RADIL: variants seen among roughly 807,000 people sequenced by gnomAD.
RADIL encodes the protein ras-associating and dilute domain-containing protein.
In RADIL, 99 loss-of-function variants were observed where a neutral mutation model predicts 97.6. The observed-to-expected ratio is 1.01, with a 90% CI of 0.86 to 1.20. The LOEUF (loss-of-function observed/expected upper bound fraction) is 1.20, where lower values mean the gene tolerates loss of function less well. Among genes scored for constraint, RADIL ranks in the 50% most tolerant of loss-of-function variants. RADIL has a pLI of 0.00. For synonymous variants in RADIL, 803 were observed against 691.8 expected (o/e 1.16, Z -2.52); for missense variants, 1,765 against 1,498.9 (o/e 1.18, Z -2.93).
chr7:4,802,090 G>A lies in RADIL; in HGVS notation c.2500-95C>T, dbSNP rs556203883. 5.9e-5 allele frequency: 64 copies of A among 1,092,316 alleles called. No individual in the cohort carries two copies. The African/African-American group carries it at 9.7e-4, about 17-fold the overall frequency. The allele number at this position is 1,092,316 out of a possible 1,614,324, so 67.7% of individuals were successfully genotyped here. ...CAGCCTGCAGCAGAAGGGCCGCCAGGCCGCGGGGCAGAGGTCAGCAAAGGA... is the reference window on the plus strand; with the variant it reads ...CAGCCTGCAGCAGAAGGGCCGCCAGACCGCGGGGCAGAGGTCAGCAAAGGA... On this transcript the variant is annotated intron_variant, in intron 11 of 14. Coordinates refer to ENST00000399583, the MANE Select transcript of RADIL (RefSeq NM_018059.5).
At position 4,803,653 on chromosome 7, in the gene RADIL, G is replaced by A. The variant is rs1268610512; in HGVS notation, c.2392C>T (p.Gln798Ter). 2 of 1,551,014 alleles carry A rather than the reference G, an allele frequency of 1.3e-6. No individual in the cohort carries two copies. The highest frequency in any genetic ancestry group is 1.2e-5 in the South Asian group (1 of 84,090). The change falls in exon 11 of 15, where the codon CAG becomes TAG. Residue 798 changes from glutamine (Q) to a stop codon, truncating the protein, a stop_gained. Coordinates refer to ENST00000399583, the MANE Select transcript of RADIL (RefSeq NM_018059.5). LOFTEE classifies it high-confidence loss of function. ...AAGTGGCGGACGTAGAGCAGGTGCT[G>A]GTAGATGCTGTCGTCCAGGCAGTTG... ...EANCLDDSIYQHLLYVRHFLW... is the reference protein window; with the variant it reads ...EANCLDDSIY
chr7:4,856,470 A>G (rs1783833834), intron 2 of RADIL, among the ~76,000 whole-genome samples: 1 of 152,134 alleles, frequency 6.6e-6, no homozygotes, highest in South Asian at 2.1e-4. Context: ...GATAGTAATC[A>G]TTTGTCAGTT....
At chr7:4,881,214 G>C (rs1441766057) in intron 1 of RADIL, among the ~76,000 whole-genome samples, 1 of 141,086 alleles carries the variant, frequency 7.1e-6, no homozygotes, top group East Asian at 2.3e-4. Context: ...AGCAGATCGA[G>C]ACCATCCTGG....
intron 5 of RADIL, among the ~76,000 whole-genome samples, chr7:4,829,732 G>T (rs1341554977): frequency 6.6e-6 from 1 of 152,030 alleles, no homozygotes; most frequent in Non-Finnish European, 1.5e-5. Context: ...AGATCTGTTG[G>T]TTTTAGAAAG....
intron 2 of RADIL, among the ~76,000 whole-genome samples, chr7:4,851,776 C>T (rs966124262): frequency 6.6e-6 from 1 of 152,114 alleles, no homozygotes; most frequent in Non-Finnish European, 1.5e-5. Flanking sequence ...CAGGACTGGA[C>T]AAGTTTGAAA....
intron 5 of RADIL, among the ~76,000 whole-genome samples, chr7:4,828,129 C>T (rs1353146502): frequency 2.6e-5 from 4 of 152,060 alleles, no homozygotes; most frequent in Non-Finnish European, 4.4e-5. Context: ...ATTAGTACAG[C>T]CTTTACAGAA....
intron 2 of RADIL, among the ~76,000 whole-genome samples, chr7:4,868,774 G>T (rs1784187793): frequency 6.6e-6 from 1 of 152,084 alleles, no homozygotes; most frequent in Non-Finnish European, 1.5e-5. Flanking sequence ...TTTGAATTTT[G>T]ATATAGTCAA....
At chr7:4,848,722 G>A (rs555295481) in intron 2 of RADIL, among the ~76,000 whole-genome samples, 39 of 152,288 alleles carry the variant, frequency 2.6e-4, no homozygotes, top group Non-Finnish European at 5.3e-4. Flanking sequence ...CGGGCAATAG[G>A]AATTGGAAAT....
chr7:4,802,878 T>C (rs13235652), intron 11 of RADIL, among the ~76,000 whole-genome samples: 1 of 58,480 alleles, frequency 1.7e-5, no homozygotes, highest in Non-Finnish European at 3.2e-5. Flanking sequence ...CTCGGGGCAC[T>C]CTGGCTGGGG....
At chr7:4,859,263 A>C (rs2292495) in intron 2 of RADIL, 22,277 of 152,618 alleles carry the variant, frequency 0.15, 2,063 homozygotes, top group African/African-American at 0.26. Context: ...AAAAATCTAA[A>C]ATTAGTTCTA....
At position 4,878,279 on chromosome 7, in the gene RADIL, C is replaced by T; in HGVS notation, c.-64-76G>A. 2 of 970,192 alleles carry T rather than the reference C, an allele frequency of 2.1e-6. No homozygotes were observed. Among genetic ancestry groups the T allele is most frequent in the South Asian group, 3.5e-5 (2 of 56,722 alleles). The allele number at this position is 970,192 out of a possible 1,614,324, so 60.1% of individuals were successfully genotyped here. On this transcript the variant is annotated intron_variant, in intron 1 of 14. Coordinates refer to ENST00000399583, the MANE Select transcript of RADIL (RefSeq NM_018059.5). This position sits in a 1 kb window ranked among gnomAD's most constrained non-coding sequence, Gnocchi z 4.1. ...GCAAATGAGGCCACAGGCGGTGACT[C>T]CTGCCCGTCATCCCAGCGCTTTAGA...
intron 2 of RADIL, among the ~76,000 whole-genome samples, chr7:4,855,606 CTTT>C (rs1295584345): frequency 1.9e-5 from 2 of 104,092 alleles, no homozygotes; most frequent in Non-Finnish European, 3.7e-5. Context: ...CACTGTTAGA[CTTT>C]TTTATTTTTG....
At chr7:4,861,754 A>G in intron 2 of RADIL, 1 of 1,491,002 alleles carries the variant, frequency 6.7e-7, no homozygotes, top group Non-Finnish European at 8.9e-7. Flanking sequence ...CGCCGTAGCG[A>G]TTCGGCGGCG....
chr7:4,865,391 A>G (rs980026233), intron 2 of RADIL: 3 of 625,296 alleles, frequency 4.8e-6, no homozygotes, highest in Admixed American at 5.7e-5. Flanking sequence ...CCCAAGTTTT[A>G]TTCAAGAACT....
At chr7:4,831,016 G>A (rs967758524) in intron 5 of RADIL, among the ~76,000 whole-genome samples, 8 of 141,808 alleles carry the variant, frequency 5.6e-5, no homozygotes, top group East Asian at 2.0e-4. Flanking sequence ...GCGAGATGCC[G>A]TTTCAAAAAA....
intron 12 of RADIL, among the ~76,000 whole-genome samples, chr7:4,801,181 GATGCACACACCC>G (rs1166888433): frequency 2.0e-5 from 3 of 152,064 alleles, no homozygotes; most frequent in African/African-American, 7.2e-5. Flanking sequence ...CACCCATGCA[GATGCACACACCC>G]ATGCACACAC....
chr7:4,805,429 A>C, intron 10 of RADIL, 137 bp downstream of exon 10: 1 of 1,098,654 alleles, frequency 9.1e-7, no homozygotes, highest in Non-Finnish European at 1.2e-6. Context: ...CTCTGGGTGG[A>C]GGCTCCTCCA....
chr7:4,799,203 A>G lies in RADIL; in HGVS notation c.*175T>C. 2 of 601,338 alleles carry G rather than the reference A, an allele frequency of 3.3e-6. No individual in the cohort carries two copies. 37.3% of individuals were successfully genotyped at this position (601,338 alleles called of 1,614,324 possible). On this transcript the variant is annotated 3_prime_UTR_variant, in exon 15 of 15. Transcript: ENST00000399583. ...ACATCACAATTTCACGTCATCTGCCATATAAATAGAACCTACACTGAGATG... is the reference window on the plus strand; with the variant it reads ...ACATCACAATTTCACGTCATCTGCCGTATAAATAGAACCTACACTGAGATG...
chr7:4,839,073 A>G (rs569402740), intron 2 of RADIL, among the ~76,000 whole-genome samples: 1 of 152,386 alleles, frequency 6.6e-6, no homozygotes, highest in Non-Finnish European at 1.5e-5. Context: ...AGAAGACCGT[A>G]GCCAGCTGTG....
Sources: allele counts gnomAD v4.1 joint callset (sites outside exome capture counted in the v4.1 genomes callset), GRCh38; gene constraint gnomAD v4.1.1; non-coding constraint Gnocchi (gnomAD v3.1); transcripts MANE v1.5; gene names NCBI Gene and HGNC (gene_info 2026-07-23, HGNC 2026-07-21).